Variants in FOXP1 observed in about 807,000 individuals in gnomAD.
FOXP1 encodes the protein forkhead box protein P1.
In FOXP1, 15 loss-of-function variants were observed where a neutral mutation model predicts 98.2. The ratio of observed to expected loss-of-function variants is 0.15; its 90% CI spans 0.10 to 0.24. The LOEUF (loss-of-function observed/expected upper bound fraction) is 0.24. FOXP1 is among the 10% of genes least tolerant of loss of function. The pLI is 1.00. For missense variants in FOXP1, 633 were observed against 848.5 expected, an observed-to-expected ratio of 0.75 and a Z score of 3.15; for synonymous variants, 371 against 314.5, an observed-to-expected ratio of 1.18 and a Z score of -1.90.
intron 6 of FOXP1, among the ~76,000 whole-genome samples, chr3:71,171,647 C>CT (rs1208129159): frequency 6.6e-6 from 1 of 152,246 alleles, no homozygotes; most frequent in Non-Finnish European, 1.5e-5. Flanking sequence ...TGCCTCCTCT[C>CT]TTACCTCCTC....
In FOXP1 at chr3:71,275,285, T is replaced by C. The variant is rs1285206299; in HGVS notation, c.-12+24535A>G. 3.3e-5 allele frequency among the ~76,000 whole-genome samples: 5 copies of C among 152,192 alleles called. No homozygotes were observed. In the South Asian group the frequency reaches 8.3e-4, roughly 25 times the overall value. On this transcript the variant is annotated intron_variant, in intron 5 of 20. Transcript: ENST00000649528. ...TGTCCCTCATCCTGGGGATGGACCA[T>C]AATTTAGCAATTCCCTCCTGACAGA...
chr3:71,555,116 A>G (rs900990660), intron 2 of FOXP1, among the ~76,000 whole-genome samples: 1 of 152,252 alleles, frequency 6.6e-6, no homozygotes, highest in Admixed American at 6.5e-5. Flanking sequence ...GTGAGTTTAC[A>G]GTATTCAAAA....
At chr3:71,140,713 TA>T (rs2107993653) in intron 6 of FOXP1, among the ~76,000 whole-genome samples, 1 of 152,258 alleles carries the variant, frequency 6.6e-6, no homozygotes, top group Admixed American at 6.5e-5. Flanking sequence ...TCTAAGTAGG[TA>T]TCCAAATACT....
chr3:71,291,331 C>T (rs942405720), intron 5 of FOXP1, among the ~76,000 whole-genome samples: 7 of 152,206 alleles, frequency 4.6e-5, no homozygotes, highest in African/African-American at 1.7e-4. Flanking sequence ...ACGATCATTT[C>T]AACATGTAAT....
At chr3:71,196,523 A>T (rs1227223916) in intron 6 of FOXP1, among the ~76,000 whole-genome samples, 2 of 152,218 alleles carry the variant, frequency 1.3e-5, no homozygotes, top group African/African-American at 4.8e-5. Context: ...AATATTAATT[A>T]TTTAGTATCA....
chr3:71,447,067 G>A (rs189859715), intron 3 of FOXP1, among the ~76,000 whole-genome samples: 2 of 152,364 alleles, frequency 1.3e-5, no homozygotes, highest in African/African-American at 4.8e-5. Context: ...GCATGGGAGA[G>A]GGGCTGGTGT....
intron 4 of FOXP1, among the ~76,000 whole-genome samples, chr3:71,356,846 G>C (rs138691860): frequency 7.7e-4 from 117 of 152,246 alleles, no homozygotes; most frequent in African/African-American, 2.7e-3. Context: ...CTCGTCACAG[G>C]CCAGTATAGG....
chr3:71,287,848 G>A (rs969438196), intron 5 of FOXP1, among the ~76,000 whole-genome samples: 1 of 152,026 alleles, frequency 6.6e-6, no homozygotes, highest in Non-Finnish European at 1.5e-5. Flanking sequence ...TTTAAATAAG[G>A]TTACCAATGA....
intron 6 of FOXP1, among the ~76,000 whole-genome samples, chr3:71,194,888 T>C (rs2063209533): frequency 6.6e-6 from 1 of 152,196 alleles, no homozygotes; most frequent in Admixed American, 6.5e-5. Flanking sequence ...AGACAGTTTG[T>C]GAGTGTGTTG....
rs571392800 is a variant in FOXP1, at chr3:71,578,034, T to A, written c.-298+3515A>T. 5.3e-5 allele frequency among the ~76,000 whole-genome samples: 8 copies of A among 151,398 alleles called. No homozygotes were observed. In the South Asian group the frequency reaches 1.0e-3, roughly 20 times the overall value. On this transcript the variant is annotated intron_variant, in intron 2 of 20. Transcript: ENST00000649528. ...TGAAATCTATAAAAGAAGTGTGACA[T>A]CTGACAGGATAAGGAAGAAAGGAAA...
At chr3:71,507,623 G>C (rs566537024) in intron 2 of FOXP1, among the ~76,000 whole-genome samples, 1 of 151,922 alleles carries the variant, frequency 6.6e-6, no homozygotes, top group Non-Finnish European at 1.5e-5. Flanking sequence ...TGTCACCGAG[G>C]CTGGAGTGCA....
chr3:71,539,681 G>C (rs1485280950), intron 2 of FOXP1, among the ~76,000 whole-genome samples: 3 of 152,174 alleles, frequency 2.0e-5, no homozygotes, highest in African/African-American at 7.2e-5. Context: ...CAGTGTATGA[G>C]TTTTATACTT....
chr3:71,075,650 C>CATGTGCTTGG (rs1553725132), intron 7 of FOXP1, among the ~76,000 whole-genome samples: 1 of 152,098 alleles, frequency 6.6e-6, no homozygotes, highest in East Asian at 1.9e-4. Context: ...TCATCACTTG[C>CATGTGCTTGG]ATGTGGTGAA....
chr3:71,174,818 A>ACACACACACG, intron 6 of FOXP1, among the ~76,000 whole-genome samples: 1 of 150,890 alleles, frequency 6.6e-6, no homozygotes, highest in Admixed American at 6.6e-5. Flanking sequence ...ACACACACAC[A>ACACACACACG]CACACACACC....
At chr3:71,445,220 C>T (rs1012401986) in intron 3 of FOXP1, among the ~76,000 whole-genome samples, 7 of 152,094 alleles carry the variant, frequency 4.6e-5, no homozygotes, top group African/African-American at 1.4e-4. Flanking sequence ...CTTCACAAAC[C>T]GTAAGTGGCA....
chr3:71,160,171 T>C (rs1386414736), intron 6 of FOXP1, among the ~76,000 whole-genome samples: 2 of 152,190 alleles, frequency 1.3e-5, no homozygotes, highest in Non-Finnish European at 2.9e-5. Flanking sequence ...CAATTGACAC[T>C]GCCGTGTATG....
At chr3:71,419,949 G>A (rs1456099857) in intron 3 of FOXP1, among the ~76,000 whole-genome samples, 1 of 151,846 alleles carries the variant, frequency 6.6e-6, no homozygotes, top group Non-Finnish European at 1.5e-5. Flanking sequence ...TGAGTAGCTG[G>A]GATTACAGGC....
chr3:71,120,445 G>T (rs758549024), intron 6 of FOXP1, among the ~76,000 whole-genome samples: 1 of 152,186 alleles, frequency 6.6e-6, no homozygotes, highest in Non-Finnish European at 1.5e-5. Context: ...CTGATATTTA[G>T]GTAGGACATT....
chr3:71,439,684 C>T (rs2085725290), intron 3 of FOXP1, among the ~76,000 whole-genome samples: 1 of 152,200 alleles, frequency 6.6e-6, no homozygotes, highest in Admixed American at 6.5e-5. Context: ...CAGCTCAAGC[C>T]TGTAATCCCA....
Sources: gnomAD v4.1 joint callset for allele counts (sites outside exome capture counted in the v4.1 genomes callset) on GRCh38, gnomAD v4.1.1 for gene constraint, MANE v1.5 for transcripts, NCBI Gene and HGNC (gene_info 2026-07-23, HGNC 2026-07-21) for gene names.